ASH1L: variants seen among roughly 807,000 people sequenced by gnomAD.
The protein encoded by ASH1L is histone-lysine N-methyltransferase ASH1L.
A neutral mutation model predicts 269.0 loss-of-function variants in ASH1L; 23 were observed. The observed-to-expected ratio is 0.09, with a 90% CI of 0.06 to 0.12. The LOEUF (loss-of-function observed/expected upper bound fraction) is 0.12, where lower values mean the gene tolerates loss of function less well. Ranked by LOEUF, ASH1L falls within the 10% of genes least tolerant of loss-of-function variation. The pLI is 1.00. For missense variants in ASH1L, 2,912 were observed against 3,567.8 expected (o/e 0.82, Z 4.68); for synonymous variants, 1,187 against 1,253.5 (o/e 0.95, Z 1.12).
chr1:155,551,289 T>C (rs761111469), intron 1 of ASH1L, among the ~76,000 whole-genome samples: 5 of 151,982 alleles, frequency 3.3e-5, no homozygotes, highest in Non-Finnish European at 5.9e-5. Context: ...GGGGGAAAAA[T>C]TTTTGTCACA....
At chr1:155,459,350 C>A (rs1040618025) in intron 4 of ASH1L, among the ~76,000 whole-genome samples, 6 of 152,108 alleles carry the variant, frequency 3.9e-5, no homozygotes, top group African/African-American at 1.4e-4. Flanking sequence ...TGCACGCCAC[C>A]ATGCCTGGCT....
At chr1:155,525,149 A>G (rs1167902705) in intron 1 of ASH1L, among the ~76,000 whole-genome samples, 1 of 152,112 alleles carries the variant, frequency 6.6e-6, no homozygotes, top group South Asian at 2.1e-4. Context: ...CGGGAGGATG[A>G]GGCAAGAAGA....
chr1:155,357,524 G>A, intron 14 of ASH1L, 61 bp downstream of exon 14: 2 of 1,604,290 alleles, frequency 1.2e-6, no homozygotes, highest in Non-Finnish European at 1.7e-6. Context: ...CCTTATTCCA[G>A]CAATTGCCTC....
rs191266139 is a variant in ASH1L, at chr1:155,343,651, T to C, written c.8073A>G (p.Arg2691=). 12 of 1,614,176 alleles carry C rather than the reference T, an allele frequency of 7.4e-6. No homozygotes were observed. The Admixed American group carries it at 1.8e-4, about 25-fold the overall frequency. ...CAATGCGAAAGATGTCAAGTTTATCTCGGTTAATGTGAGATAACAGTCGAT... is the reference window on the plus strand; with the variant it reads ...CAATGCGAAAGATGTCAAGTTTATCCCGGTTAATGTGAGATAACAGTCGAT... ...QSYRLLSHIN[R]DKLDIFRIEK... Residue 2691 remains arginine, a synonymous_variant, in exon 23 of 28, where the codon CGA becomes CGG. Transcript: ENST00000392403. This position sits in a 1 kb window ranked among gnomAD's most constrained non-coding sequence, Gnocchi z 6.1.
intron 5 of ASH1L, among the ~76,000 whole-genome samples, chr1:155,431,200 G>A (rs188990067): frequency 3.8e-4 from 58 of 151,522 alleles, no homozygotes; most frequent in African/African-American, 1.2e-3. Flanking sequence ...GCAAGATGCC[G>A]TCTCAACAAC....
At chr1:155,446,880 G>A (rs1663082238) in intron 4 of ASH1L, among the ~76,000 whole-genome samples, 1 of 152,138 alleles carries the variant, frequency 6.6e-6, no homozygotes, top group Non-Finnish European at 1.5e-5. Context: ...TGGGATTACA[G>A]GCGTGAGCCA....
chr1:155,344,413 A>G, intron 21 of ASH1L, 140 bp from the exon 22 acceptor site: 1 of 625,136 alleles, frequency 1.6e-6, no homozygotes, highest in Non-Finnish European at 2.8e-6. Context: ...GATGAAAGCA[A>G]CTAGAGCTGT....
chr1:155,362,695 C>T (rs1301332082), intron 12 of ASH1L, among the ~76,000 whole-genome samples: 1 of 151,972 alleles, frequency 6.6e-6, no homozygotes, highest in East Asian at 1.9e-4. Context: ...CAAAACAATC[C>T]TATAGAAAAA....
In ASH1L at chr1:155,438,594, C is replaced by T. The variant is rs1662288118; in HGVS notation, c.5561G>A (p.Arg1854Gln). 3.7e-6 allele frequency: 6 copies of T among 1,614,184 alleles called. No individual in the cohort carries two copies. Among genetic ancestry groups the T allele is most frequent in the Non-Finnish European group, 5.1e-6 (6 of 1,180,036 alleles). Residue 1854 changes from arginine to glutamine, a missense_variant, in exon 5 of 28, where the codon CGG (arginine) becomes CAG (glutamine). Arg to Gln is a conservative substitution (Grantham distance 43, BLOSUM62 1). Around this residue, in one of 13 missense-constraint regions of ASH1L, gnomAD observed 789 missense variants for 897.6 expected, o/e 0.88. Coordinates refer to ENST00000392403, the MANE Select transcript of ASH1L (RefSeq NM_018489.3). ...NFVKRRPGRP[R>Q]KCPLQAVVSM... Reference sequence around the variant, plus strand: ...TACGACAGCCTGAAGGGGACATTTCCGAGGTCGACCTGGCCTACGTTTCAC... The same window carrying T: ...TACGACAGCCTGAAGGGGACATTTCTGAGGTCGACCTGGCCTACGTTTCAC...
intron 2 of ASH1L, among the ~76,000 whole-genome samples, chr1:155,489,247 C>A (rs1666576247): frequency 1.4e-5 from 2 of 145,712 alleles, no homozygotes; most frequent in South Asian, 4.4e-4. Context: ...CCGAGGAGGG[C>A]AGAACATCAG....
chr1:155,527,738 G>T (rs1248616583), intron 1 of ASH1L, among the ~76,000 whole-genome samples: 4 of 151,894 alleles, frequency 2.6e-5, no homozygotes, highest in Admixed American at 6.6e-5. Flanking sequence ...TAGAGACAGG[G>T]TCTCACTAGG....
chr1:155,451,683 G>A (rs1035523006), intron 4 of ASH1L, among the ~76,000 whole-genome samples: 1 of 151,508 alleles, frequency 6.6e-6, no homozygotes, highest in Non-Finnish European at 1.5e-5. Context: ...GCTTGTACTT[G>A]GAATCCAGCC....
At chr1:155,395,103 A>G (rs1485464292) in intron 7 of ASH1L, among the ~76,000 whole-genome samples, 1 of 151,952 alleles carries the variant, frequency 6.6e-6, no homozygotes, top group Non-Finnish European at 1.5e-5. Flanking sequence ...CGTCCAGCTA[A>G]TTTTCATATT....
At chr1:155,361,273 CT>C (rs1449042882) in intron 12 of ASH1L, among the ~76,000 whole-genome samples, 15 of 151,810 alleles carry the variant, frequency 9.9e-5, no homozygotes, top group South Asian at 2.1e-4. Flanking sequence ...AATATCAGCA[CT>C]TTGGGAGGCT....
chr1:155,520,870 T>C (rs954875502), intron 2 of ASH1L, among the ~76,000 whole-genome samples: 20 of 152,186 alleles, frequency 1.3e-4, no homozygotes, highest in African/African-American at 4.8e-4. Flanking sequence ...CTCAAAAAAA[T>C]AAATAAATAA....
intron 1 of ASH1L, among the ~76,000 whole-genome samples, chr1:155,533,801 GA>G (rs765935352): frequency 3.3e-5 from 5 of 151,116 alleles, no homozygotes; most frequent in Non-Finnish European, 5.9e-5. Flanking sequence ...TGCTACGTTT[GA>G]AACTCTTTGG....
rs1197471555 is a variant in ASH1L, at chr1:155,482,305, T to C, written c.565A>G (p.Ile189Val). The change falls in exon 3 of 28, where the codon ATT (isoleucine) becomes GTT (valine). Residue 189 changes from isoleucine (I) to valine (V), a missense_variant. By Grantham distance (29) the Ile-to-Val change is conservative. Transcript: ENST00000392403. The stretch of plus-strand genomic sequence containing the variant: ...AGAAGAGTAGATGGCGTTGCATTAA[T>C]ATAATCTGCCATTTCTGAGTGTACT... ...SPVHSEMADY[I>V]NATPSTLLGS... The C allele has an allele frequency of 1.2e-6, 2 of 1,614,080 alleles. No individual in the cohort carries two copies. The highest frequency in any genetic ancestry group is 1.3e-5 in the African/African-American group (1 of 74,940).
At chr1:155,547,166 TG>T (rs1431089614) in intron 1 of ASH1L, among the ~76,000 whole-genome samples, 1 of 151,448 alleles carries the variant, frequency 6.6e-6, no homozygotes, top group Non-Finnish European at 1.5e-5. Context: ...TTGGCCAGGA[TG>T]GTTTAGATCT....
In ASH1L at chr1:155,477,904, C is replaced by G; in HGVS notation, c.4966G>C (p.Ala1656Pro). Residue 1656 changes from alanine to proline, a missense_variant, in exon 3 of 28, where the codon GCA becomes CCA. Ala to Pro is a conservative substitution (Grantham distance 27, BLOSUM62 -1). This residue lies in a region of ASH1L where 789 missense variants were observed against 897.6 expected (regional missense o/e 0.88). Transcript: ENST00000392403. ...CTCTTACCTGCCAAAGTCTGTACTG[C>G]CCTTTCGTTAGAAGGCAGTGACTCC... ...RKESLPSNER[A>P]VQTLAGSQPT... 3.7e-6 allele frequency: 6 copies of G among 1,612,072 alleles called. No individual in the cohort carries two copies. Among genetic ancestry groups the G allele is most frequent in the Non-Finnish European group, 5.1e-6 (6 of 1,178,444 alleles).
Sources: allele counts gnomAD v4.1 joint callset (sites outside exome capture counted in the v4.1 genomes callset), GRCh38; gene constraint gnomAD v4.1.1; regional missense constraint gnomAD v4.1.1; non-coding constraint Gnocchi (gnomAD v3.1); transcripts MANE v1.5; gene names NCBI Gene and HGNC (gene_info 2026-07-23, HGNC 2026-07-21).